The following LOXL2 variants were observed in gnomAD, a reference collection of about 807,000 sequenced individuals.
The protein encoded by LOXL2 is lysyl oxidase like 2, also known as lysyl oxidase homolog 2.
In LOXL2, 70 loss-of-function variants were observed where a neutral mutation model predicts 93.0. The observed-to-expected ratio is 0.75, with a 90% CI of 0.62 to 0.92. The LOEUF (loss-of-function observed/expected upper bound fraction) is 0.92. LOXL2 is among the 40% of genes least tolerant of loss of function. The probability of loss-of-function intolerance (pLI) is 0.00; values close to 1 mark genes in which losing one functional copy is unlikely to be tolerated. For synonymous variants in LOXL2, 438 were observed against 413.2 expected, an observed-to-expected ratio of 1.06 and a Z score of -0.73; for missense variants, 973 against 1,054.9, an observed-to-expected ratio of 0.92 and a Z score of 1.08.
intron 4 of LOXL2, among the ~76,000 whole-genome samples, chr8:23,334,081 A>G (rs1413118623): frequency 6.6e-6 from 1 of 151,954 alleles, no homozygotes; most frequent in Non-Finnish European, 1.5e-5. Context: ...GTCTCACTCT[A>G]TTCCCCCAGG....
rs182385516 is a variant in LOXL2 at position 23,386,419 on chromosome 8, A to G, written c.-84+17535T>C. ...AAAAAAGAAAGAAAGAGAACAAAAT[A>G]TAAGTGCTCTGTGTCTCTTACGATG... On this transcript the variant is annotated intron_variant, in intron 1 of 13. Coordinates refer to ENST00000389131, the MANE Select transcript of LOXL2 (RefSeq NM_002318.3). 2.0e-3 allele frequency among the ~76,000 whole-genome samples: 310 copies of G among 152,252 alleles called. 1 individual carries two copies. Among genetic ancestry groups the G allele is most frequent in the African/African-American group, 6.6e-3 (274 of 41,558 alleles).
At chr8:23,350,371 G>C (rs953178563) in intron 3 of LOXL2, among the ~76,000 whole-genome samples, 1 of 152,150 alleles carries the variant, frequency 6.6e-6, no homozygotes, top group Admixed American at 6.6e-5. Flanking sequence ...CTGAGGTCAG[G>C]AGTTTGAGAC....
rs761873882 is a variant in LOXL2, at chr8:23,333,519, A to C, written c.848T>G (p.Leu283Arg). 1 of 1,614,034 alleles carries C rather than the reference A, an allele frequency of 6.2e-7. No homozygotes were observed. The highest frequency in any genetic ancestry group is 8.5e-7 in the Non-Finnish European group (1 of 1,180,032). ...SSCKLGPQVS[L>R]DPMKNVTCEN... ...GCAGGTGACATTCTTCATGGGGTCC[A>C]GTGACACCTGGGGGCCCAGCTTGCA... is the stretch of plus-strand genomic sequence containing the variant. The change falls in exon 5 of 14, where the codon CTG becomes CGG. Residue 283 changes from leucine to arginine, a missense_variant. By Grantham distance (102) the Leu-to-Arg change is moderately radical. Coordinates refer to ENST00000389131, the MANE Select transcript of LOXL2 (RefSeq NM_002318.3).
intron 12 of LOXL2, among the ~76,000 whole-genome samples, chr8:23,301,792 A>C (rs1361239246): frequency 6.6e-6 from 1 of 152,174 alleles, no homozygotes; most frequent in East Asian, 1.9e-4. Context: ...GTGTTAACTC[A>C]ATCAAATGTG....
intron 11 of LOXL2, 108 bp from the exon 12 acceptor site, chr8:23,302,271 C>A: frequency 1.5e-6 from 2 of 1,372,588 alleles, no homozygotes; most frequent in Non-Finnish European, 2.0e-6. Context: ...GGCTCGGCAT[C>A]CCACCCCACT....
intron 5 of LOXL2, chr8:23,331,773 C>T (rs1803682216): frequency 6.6e-6 from 1 of 151,926 alleles, no homozygotes; most frequent in East Asian, 1.9e-4. Context: ...AGTGGGCTCA[C>T]ATCTGTAATC....
At chr8:23,398,499 T>C (rs1226676157) in intron 1 of LOXL2, among the ~76,000 whole-genome samples, 2 of 152,218 alleles carry the variant, frequency 1.3e-5, no homozygotes, top group African/African-American at 2.4e-5. Flanking sequence ...ACCTACTAAC[T>C]GTGTTCCTAA....
At chr8:23,336,796 C>T (rs1185791403) in intron 4 of LOXL2, 1 of 152,010 alleles carries the variant, frequency 6.6e-6, no homozygotes, top group African/African-American at 2.4e-5. Flanking sequence ...AGCTCAGAAC[C>T]AGTGGCCAGT....
At chr8:23,329,490 A>G (rs1423182046) in intron 5 of LOXL2, among the ~76,000 whole-genome samples, 1 of 151,780 alleles carries the variant, frequency 6.6e-6, no homozygotes, top group Non-Finnish European at 1.5e-5. Flanking sequence ...GGGTCATTTG[A>G]CTCCAGCTGT....
chr8:23,345,576 C>T (rs1187518899), intron 3 of LOXL2, among the ~76,000 whole-genome samples: 1 of 152,198 alleles, frequency 6.6e-6, no homozygotes, highest in African/African-American at 2.4e-5. Flanking sequence ...CTGAGTTAGA[C>T]CTCTTAGAAA....
At position 23,317,174 on chromosome 8, in the gene LOXL2, T is replaced by C; in HGVS notation, c.1471-60A>G. 1.9e-6 allele frequency: 3 copies of C among 1,544,394 alleles called. 1 individual carries two copies. The South Asian group carries it at 3.4e-5, about 17-fold the overall frequency. On this transcript the variant is annotated intron_variant, in intron 8 of 13. Transcript: ENST00000389131. The stretch of plus-strand genomic sequence containing the variant: ...CATCTCAAACTGTCACTTTCTCATA[T>C]CCTATCAACTTGCAGCCTCACAAAA...
intron 3 of LOXL2, among the ~76,000 whole-genome samples, chr8:23,359,519 C>A (rs1804254233): frequency 6.6e-6 from 1 of 152,142 alleles, no homozygotes; most frequent in Non-Finnish European, 1.5e-5. Context: ...CTGCCAACAA[C>A]CATAAGAGCC....
At chr8:23,354,831 C>G (rs1392859275) in intron 3 of LOXL2, among the ~76,000 whole-genome samples, 1 of 151,520 alleles carries the variant, frequency 6.6e-6, no homozygotes, top group Non-Finnish European at 1.5e-5. Flanking sequence ...TGACAAGGAG[C>G]TCACCACTAA....
intron 6 of LOXL2, 121 bp from the exon 7 acceptor site, chr8:23,322,402 C>G: frequency 1.3e-6 from 1 of 781,228 alleles, no homozygotes; most frequent in Non-Finnish European, 2.0e-6. Context: ...CCCACTGCCT[C>G]TTGTAATCAG....
intron 10 of LOXL2, among the ~76,000 whole-genome samples, chr8:23,306,996 G>C (rs1295365311): frequency 6.6e-6 from 1 of 152,208 alleles, no homozygotes; most frequent in Non-Finnish European, 1.5e-5. Flanking sequence ...TTTCAGCCAA[G>C]GGCTTTCAAA....
intron 1 of LOXL2, among the ~76,000 whole-genome samples, chr8:23,369,462 C>T (rs767347148): frequency 6.6e-6 from 1 of 152,138 alleles, no homozygotes; most frequent in African/African-American, 2.4e-5. Flanking sequence ...TTTATTTTAA[C>T]CCTATGCAGA....
intron 9 of LOXL2, among the ~76,000 whole-genome samples, chr8:23,310,346 A>T (rs1803304673): frequency 6.6e-6 from 1 of 152,232 alleles, no homozygotes; most frequent in South Asian, 2.1e-4. Context: ...AGAGAGAAAG[A>T]ACACCTCTAA....
chr8:23,401,259 GAACAT>G (rs1288610469), intron 1 of LOXL2, among the ~76,000 whole-genome samples: 1 of 152,136 alleles, frequency 6.6e-6, no homozygotes, highest in Non-Finnish European at 1.5e-5. Context: ...TTGAAAGGAA[GAACAT>G]AACAATAGGA....
chr8:23,368,467 A>G, intron 1 of LOXL2, 33 bp from the exon 2 acceptor site: 1 of 809,298 alleles, frequency 1.2e-6, no homozygotes. Context: ...TAGGATGGGA[A>G]CGTGGGGCTA....
Sources: allele counts gnomAD v4.1 joint callset (sites outside exome capture counted in the v4.1 genomes callset), GRCh38; gene constraint gnomAD v4.1.1; transcripts MANE v1.5; gene names NCBI Gene and HGNC (gene_info 2026-07-23, HGNC 2026-07-21).